Variants in TRIM49C observed in about 807,000 individuals in gnomAD.
TRIM49C encodes the protein tripartite motif containing 49C, also known as tripartite motif-containing protein 49C.
Under a neutral mutation model 21.4 loss-of-function variants are expected in TRIM49C, and 6 were observed. The ratio of observed to expected loss-of-function variants is 0.28; its 90% CI spans 0.15 to 0.55. TRIM49C has a LOEUF of 0.55. Among genes scored for constraint, TRIM49C ranks in the 20% least tolerant of loss-of-function variants. The pLI is 0.94. For missense variants in TRIM49C, 161 were observed against 442.4 expected, an observed-to-expected ratio of 0.36 and a Z score of 5.71; for synonymous variants, 57 against 148.1, an observed-to-expected ratio of 0.38 and a Z score of 4.47.
In TRIM49C at chr11:90,035,819, T is replaced by C. The variant is rs1263963637; in HGVS notation, c.412-69T>C. On this transcript the variant is annotated intron_variant, in intron 3 of 7. Coordinates refer to ENST00000448984, the MANE Select transcript of TRIM49C (RefSeq NM_001195234.1). Reference sequence around the variant, plus strand: ...ATGCCATTTACTAGGGGCTTATTTGTCTCTCATTCTGGGCCCCCTCCCTAT... The same window carrying C: ...ATGCCATTTACTAGGGGCTTATTTGCCTCTCATTCTGGGCCCCCTCCCTAT... The C allele has an allele frequency of 4.2e-5, 22 of 518,276 alleles. 4 individuals carry two copies. In the East Asian group the frequency reaches 6.8e-4, roughly 16 times the overall value. 32.1% of individuals were successfully genotyped at this position (518,276 alleles called of 1,614,324 possible).
chr11:90,071,095 A>T, the TRIM49C span: 3 of 490,404 alleles, frequency 6.1e-6, no homozygotes, highest in Admixed American at 8.0e-5. Context: ...CTCACCCAAC[A>T]AGAATAACAA....
At chr11:90,034,657 A>C (rs1363280777) in intron 2 of TRIM49C, among the ~76,000 whole-genome samples, 1 of 127,682 alleles carries the variant, frequency 7.8e-6, no homozygotes, top group Non-Finnish European at 1.6e-5. Flanking sequence ...ATTTAATTTA[A>C]TTTTAAGTCC....
the TRIM49C span, among the ~76,000 whole-genome samples, chr11:90,055,956 C>CTTTT: frequency 1.2e-4 from 12 of 97,846 alleles, no homozygotes; most frequent in East Asian, 3.2e-4. Context: ...CATCTGGATT[C>CTTTT]TTTTTTTTTT....
chr11:90,062,843 G>C, the TRIM49C span: 112 of 1,390,714 alleles, frequency 8.1e-5, 29 homozygotes, highest in South Asian at 1.5e-3. Flanking sequence ...TGCATGAAGG[G>C]CAGCGCATTG....
chr11:90,072,164 G>A, the TRIM49C span, among the ~76,000 whole-genome samples: 1 of 141,696 alleles, frequency 7.1e-6, no homozygotes, highest in African/African-American at 2.5e-5. Context: ...TTGAGTGACA[G>A]TGTTTTTTTA....
At chr11:90,042,157 T>C (rs976633592), downstream of TRIM49C, 8 of 144,536 alleles carry the variant, frequency 5.5e-5, no homozygotes, top group African/African-American at 2.1e-4. Context: ...AATTGAAATT[T>C]TTTTTAAAAA....
chr11:90,071,659 A>C, the TRIM49C span: 1 of 1,083,044 alleles, frequency 9.2e-7, no homozygotes, highest in African/African-American at 1.5e-5. Flanking sequence ...AAACACAGAC[A>C]TCAGAAACTT....
At position 90,034,576 on chromosome 11, in the gene TRIM49C, A is replaced by T. The variant is rs535442214; in HGVS notation, c.-4-632A>T. Among the ~76,000 whole-genome samples the T allele has an allele frequency of 7.5e-3, 913 of 122,008 alleles. 74 individuals carry two copies. Among genetic ancestry groups the T allele is most frequent in the African/African-American group, 0.03 (868 of 28,620 alleles). 80.0% of individuals were successfully genotyped at this position (122,008 alleles called of 152,430 possible). A position where few individuals can be genotyped will look rare whatever the true frequency, so the allele number is the denominator to read the frequency against. On this transcript the variant is annotated intron_variant, in intron 2 of 7. Coordinates refer to ENST00000448984, the MANE Select transcript of TRIM49C (RefSeq NM_001195234.1). ...AGTGAAACTTGATTGGTTTAATTGCAGTCTTTTTCTTTGTTTATTTGGTTG... is the reference window on the plus strand; with the variant it reads ...AGTGAAACTTGATTGGTTTAATTGCTGTCTTTTTCTTTGTTTATTTGGTTG...
At chr11:90,066,024 T>C in the TRIM49C span, among the ~76,000 whole-genome samples, 1 of 138,838 alleles carries the variant, frequency 7.2e-6, no homozygotes, top group African/African-American at 2.6e-5. Context: ...ACTTGCTAAC[T>C]CTTTTTTTTC....
the TRIM49C span, among the ~76,000 whole-genome samples, chr11:90,047,076 T>C: frequency 2.4e-5 from 3 of 123,092 alleles, 1 homozygote; most frequent in Admixed American, 1.9e-4. Flanking sequence ...AGTTGAGCGG[T>C]TTTGAGTGAG....
At chr11:90,048,839 G>T in the TRIM49C span, among the ~76,000 whole-genome samples, 1 of 124,678 alleles carries the variant, frequency 8.0e-6, no homozygotes, top group East Asian at 2.5e-4. Flanking sequence ...GGGGAGAGGT[G>T]CTCTGATTTT....
chr11:90,045,812 G>A (rs1223131222), downstream of TRIM49C, among the ~76,000 whole-genome samples: 3 of 121,180 alleles, frequency 2.5e-5, no homozygotes, highest in Admixed American at 9.3e-5. Context: ...CCAATACTGT[G>A]TTGGATAGGA....
At chr11:90,033,898 A>G (rs939100378) in intron 2 of TRIM49C, among the ~76,000 whole-genome samples, 1 of 125,422 alleles carries the variant, frequency 8.0e-6, no homozygotes, top group Non-Finnish European at 1.7e-5. Flanking sequence ...GTGAGCCGAG[A>G]TCACGCCACT....
rs1248320555 is a variant in TRIM49C at position 90,033,726 on chromosome 11, T to C, written c.-5+1144T>C. Among the ~76,000 whole-genome samples, 2 of 133,904 alleles carry C rather than the reference T, an allele frequency of 1.5e-5. 1 individual carries two copies. Among genetic ancestry groups the C allele is most frequent in the Non-Finnish European group, 3.2e-5 (2 of 62,234 alleles). The allele number at this position is 133,904 out of a possible 152,430, so 87.8% of individuals were successfully genotyped here. On this transcript the variant is annotated intron_variant, in intron 2 of 7. Transcript: ENST00000448984. ...TGCAAAGCCAAGGCAGGCAGATCAC[T>C]TGAGGCCAGAAGTTCAAGTGCAGCC...
chr11:90,070,403 G>C, the TRIM49C span, among the ~76,000 whole-genome samples: 8 of 128,806 alleles, frequency 6.2e-5, 1 homozygote, highest in African/African-American at 2.0e-4. Flanking sequence ...ATCCAGCTCA[G>C]ACTGTTGCTG....
At chr11:90,071,759 C>T in the TRIM49C span, 2 of 1,205,760 alleles carry the variant, frequency 1.7e-6, no homozygotes, top group East Asian at 2.9e-5. Context: ...CAGGGCCCAT[C>T]ACAGGACCGG....
rs760035139 is a variant in TRIM49C, at chr11:90,035,581, C to A, written c.370C>A (p.His124Asn). 1 of 1,447,590 alleles carries A rather than the reference C, an allele frequency of 6.9e-7. No individual in the cohort carries two copies. Among genetic ancestry groups the A allele is most frequent in the Non-Finnish European group, 9.2e-7 (1 of 1,085,322 alleles). The allele number at this position is 1,447,590 out of a possible 1,614,324, so 89.7% of individuals were successfully genotyped here. A position where few individuals can be genotyped will look rare whatever the true frequency, so the allele number is the denominator to read the frequency against. The change falls in exon 3 of 8, where the codon CAC (histidine) becomes AAC (asparagine). Residue 124 changes from histidine to asparagine, a missense_variant. By Grantham distance (68) the His-to-Asn change is moderately conservative. Around this residue, in one of 3 missense-constraint regions of TRIM49C, gnomAD observed 80 missense variants for 314.8 expected, o/e 0.25. Transcript: ENST00000448984. ...CTCCAGCTCTCAGGAGCACCGGTAT[C>A]ACAGACACCGTCCCATTGAGTGGGC... is the stretch of plus-strand genomic sequence containing the variant. ...LCSSSQEHRY[H>N]RHRPIEWAAE...
the TRIM49C span, among the ~76,000 whole-genome samples, chr11:90,056,072 C>A: frequency 1.5e-5 from 2 of 134,360 alleles, no homozygotes; most frequent in Admixed American, 8.4e-5. Flanking sequence ...CATTCTCCTG[C>A]CTCAGCCTCC....
At position 90,033,318 on chromosome 11, in the gene TRIM49C, T is replaced by G. The variant is rs1192261452; in HGVS notation, c.-5+736T>G. On this transcript the variant is annotated intron_variant, in intron 2 of 7. Coordinates refer to ENST00000448984, the MANE Select transcript of TRIM49C (RefSeq NM_001195234.1). ...AATTGCCAAAACAAAGATTATAGTT[T>G]TTATATTAGTCAGGGTTCTCCAGAC... is the stretch of plus-strand genomic sequence containing the variant. 3.1e-5 allele frequency among the ~76,000 whole-genome samples: 4 copies of G among 129,902 alleles called. 1 individual carries two copies. Among genetic ancestry groups the G allele is most frequent in the Non-Finnish European group, 6.6e-5 (4 of 61,060 alleles). 85.2% of individuals were successfully genotyped at this position (129,902 alleles called of 152,430 possible).
Sources: allele counts gnomAD v4.1 joint callset (sites outside exome capture counted in the v4.1 genomes callset), GRCh38; gene constraint gnomAD v4.1.1; regional missense constraint gnomAD v4.1.1; transcripts MANE v1.5; gene names NCBI Gene and HGNC (gene_info 2026-07-23, HGNC 2026-07-21).